ABHD2: variants seen among roughly 807,000 people sequenced by gnomAD.
The protein encoded by ABHD2 is monoacylglycerol lipase ABHD2.
ABHD2 carries 20 observed loss-of-function variants against 48.1 expected under a neutral mutation model. The observed-to-expected ratio is 0.42, with a 90% CI of 0.29 to 0.60. The LOEUF (loss-of-function observed/expected upper bound fraction) is 0.60, where lower values mean the gene tolerates loss of function less well. Ranked by LOEUF, ABHD2 falls within the 20% of genes least tolerant of loss-of-function variation. ABHD2 has a pLI of 0.24. For synonymous variants in ABHD2, 209 were observed against 214.2 expected (o/e 0.98, Z 0.21); for missense variants, 405 against 550.9 (o/e 0.74, Z 2.65).
At chr15:89,129,663 T>G (rs964573658) in intron 3 of ABHD2, among the ~76,000 whole-genome samples, 5 of 152,134 alleles carry the variant, frequency 3.3e-5, no homozygotes, top group African/African-American at 1.2e-4. Flanking sequence ...AGATCAGCAG[T>G]GAGACCCACC....
At chr15:89,103,138 C>T (rs1665593945) in intron 1 of ABHD2, among the ~76,000 whole-genome samples, 1 of 152,232 alleles carries the variant, frequency 6.6e-6, no homozygotes, top group African/African-American at 2.4e-5. Flanking sequence ...TCGGTATCCT[C>T]AATGCAAAGA....
chr15:89,160,995 C>T (rs2050753816), intron 5 of ABHD2, among the ~76,000 whole-genome samples: 1 of 152,140 alleles, frequency 6.6e-6, no homozygotes, highest in African/African-American at 2.4e-5. Flanking sequence ...CTTTTCTCAT[C>T]CAGGAGCATG....
At chr15:89,043,546 A>G in the ABHD2 span, among the ~76,000 whole-genome samples, 1 of 145,058 alleles carries the variant, frequency 6.9e-6, no homozygotes, top group Non-Finnish European at 1.5e-5. Context: ...GAAGGGAAAG[A>G]GGAAGGAGGA....
intron 1 of ABHD2, among the ~76,000 whole-genome samples, chr15:89,096,462 G>A (rs571732520): frequency 1.4e-4 from 21 of 152,344 alleles, no homozygotes; most frequent in African/African-American, 4.8e-4. Context: ...GCATCTGGCA[G>A]GACTAGTTTT....
At chr15:89,163,225 C>T (rs2150907990) in intron 5 of ABHD2, among the ~76,000 whole-genome samples, 1 of 152,274 alleles carries the variant, frequency 6.6e-6, no homozygotes, top group Admixed American at 6.5e-5. Context: ...GGATCTTTTC[C>T]CATTTATCAA....
At chr15:89,142,050 C>T (rs571554655) in intron 3 of ABHD2, among the ~76,000 whole-genome samples, 44 of 152,176 alleles carry the variant, frequency 2.9e-4, no homozygotes, top group Non-Finnish European at 5.4e-4. Context: ...TCTGTCTGTC[C>T]TTATCATGTT....
At chr15:89,190,807 T>A (rs1399054709) in intron 8 of ABHD2, among the ~76,000 whole-genome samples, 1 of 152,162 alleles carries the variant, frequency 6.6e-6, no homozygotes, top group Non-Finnish European at 1.5e-5. Context: ...AGCCAGTAAA[T>A]AACCGAAGCA....
intron 3 of ABHD2, among the ~76,000 whole-genome samples, chr15:89,149,926 G>A (rs1388455121): frequency 6.6e-6 from 1 of 152,168 alleles, no homozygotes; most frequent in Admixed American, 6.5e-5. Flanking sequence ...GGAGTAGGTG[G>A]TGAGAGCAAG....
the ABHD2 span, among the ~76,000 whole-genome samples, chr15:89,053,501 G>C: frequency 6.6e-6 from 1 of 152,176 alleles, no homozygotes; most frequent in African/African-American, 2.4e-5. Flanking sequence ...AACATGGCCT[G>C]GGGCCAGCGC....
chr15:89,171,425 A>G (rs1049366801), intron 5 of ABHD2, among the ~76,000 whole-genome samples: 1 of 152,196 alleles, frequency 6.6e-6, no homozygotes, highest in African/African-American at 2.4e-5. Context: ...CTAGAGCATC[A>G]TTCTTGCAGT....
At chr15:89,191,270 C>T (rs2051300077) in intron 9 of ABHD2, 121 bp downstream of exon 9, 3 of 936,496 alleles carry the variant, frequency 3.2e-6, no homozygotes, top group Non-Finnish European at 4.9e-6. Flanking sequence ...TCCAACCGCT[C>T]TTTTAGCTTG....
chr15:89,135,659 G>T, intron 3 of ABHD2: 1 of 1,547,106 alleles, frequency 6.5e-7, no homozygotes, highest in Non-Finnish European at 8.8e-7. Context: ...CCCTTTTTTT[G>T]CTGCAGCAGG....
At chr15:89,117,756 G>A (rs182394) in intron 3 of ABHD2, among the ~76,000 whole-genome samples, 52,864 of 152,124 alleles carry the variant, frequency 0.35, 9,965 homozygotes, top group Non-Finnish European at 0.44. Flanking sequence ...GGGACACTGG[G>A]TGAATGATTC....
the ABHD2 span, among the ~76,000 whole-genome samples, chr15:89,057,807 T>C: frequency 6.6e-6 from 1 of 151,516 alleles, no homozygotes; most frequent in African/African-American, 2.4e-5. Flanking sequence ...CTGCCAGAAC[T>C]TTCCAATCAC....
chr15:89,080,694 CTTTT>C, the ABHD2 span, among the ~76,000 whole-genome samples: 1 of 141,382 alleles, frequency 7.1e-6, no homozygotes, highest in Non-Finnish European at 1.5e-5. Flanking sequence ...GAAAAGGAGA[CTTTT>C]TTTTTTTTTT....
rs897021542 is a variant in ABHD2, at chr15:89,198,278, A to G, written c.*2855A>G. On this transcript the variant is annotated 3_prime_UTR_variant, in exon 11 of 11. Coordinates refer to ENST00000352732, the MANE Select transcript of ABHD2 (RefSeq NM_152924.5). The surrounding 1 kb of genome is among the most constrained non-coding windows in gnomAD (Gnocchi z 5.1). ...TGCAGGAATAATATGTTAAAAACCA[A>G]TGGGGAGAAGCACCCACATCTCTCC... 1.3e-5 allele frequency: 2 copies of G among 152,226 alleles called. No individual in the cohort carries two copies. Among genetic ancestry groups the G allele is most frequent in the Admixed American group, 6.5e-5 (1 of 15,286 alleles). The allele number at this position is 152,226 out of a possible 1,614,324, so 9.4% of individuals were successfully genotyped here. A position where few individuals can be genotyped will look rare whatever the true frequency, so the allele number is the denominator to read the frequency against.
intron 1 of ABHD2, among the ~76,000 whole-genome samples, chr15:89,105,899 T>A (rs1363950889): frequency 6.6e-6 from 1 of 151,800 alleles, no homozygotes; most frequent in Non-Finnish European, 1.5e-5. Flanking sequence ...ACGGAGTTTC[T>A]CCATGTCACA....
intron 3 of ABHD2, among the ~76,000 whole-genome samples, chr15:89,128,872 G>A (rs1388024208): frequency 1.3e-5 from 2 of 152,134 alleles, no homozygotes; most frequent in Non-Finnish European, 2.9e-5. Context: ...GTGAGCACTG[G>A]TGGTAGGTGG....
chr15:89,165,552 A>G (rs1461968929), intron 5 of ABHD2, among the ~76,000 whole-genome samples: 2 of 152,134 alleles, frequency 1.3e-5, no homozygotes, highest in East Asian at 3.8e-4. Context: ...TAGGAGTTCA[A>G]GACCAGCTGG....
Sources: allele counts gnomAD v4.1 joint callset (sites outside exome capture counted in the v4.1 genomes callset), GRCh38; gene constraint gnomAD v4.1.1; non-coding constraint Gnocchi (gnomAD v3.1); transcripts MANE v1.5; gene names NCBI Gene and HGNC (gene_info 2026-07-23, HGNC 2026-07-21).